Variants in CSNK1G3 observed in about 807,000 individuals in gnomAD.
CSNK1G3 encodes the protein casein kinase 1 gamma 3, also known as casein kinase I isoform gamma-3.
In CSNK1G3, 23 loss-of-function variants were observed where a neutral mutation model predicts 64.3. That is an observed-to-expected ratio of 0.36 (90% confidence interval 0.26 to 0.51). The LOEUF (loss-of-function observed/expected upper bound fraction) is 0.51. Among genes scored for constraint, CSNK1G3 ranks in the 20% least tolerant of loss-of-function variants. The pLI, the probability that CSNK1G3 is intolerant of heterozygous loss-of-function variation, is 0.96. For missense variants in CSNK1G3, 357 were observed against 510.5 expected, an observed-to-expected ratio of 0.70 and a Z score of 2.90; for synonymous variants, 158 against 162.2, an observed-to-expected ratio of 0.97 and a Z score of 0.20.
At chr5:123,535,206 C>T (rs948849316) in intron 1 of CSNK1G3, among the ~76,000 whole-genome samples, 1 of 152,112 alleles carries the variant, frequency 6.6e-6, no homozygotes, top group African/African-American at 2.4e-5. Context: ...TCTCTTGTAG[C>T]GCAAAAGCAT....
chr5:123,615,355 T>C (rs774235697), exon 13 of CSNK1G3: 1 of 152,486 alleles, frequency 6.6e-6, no homozygotes, highest in Non-Finnish European at 1.5e-5. Context: ...GCAGAAAACT[T>C]TGGATGTGCC....
chr5:123,541,815 GA>G (rs1186768761), intron 1 of CSNK1G3, among the ~76,000 whole-genome samples: 1 of 151,778 alleles, frequency 6.6e-6, no homozygotes, highest in Non-Finnish European at 1.5e-5. Flanking sequence ...CTTTTTGGGG[GA>G]AAATCTGGTC....
intron 4 of CSNK1G3, among the ~76,000 whole-genome samples, chr5:123,568,253 G>T (rs1283537696): frequency 6.6e-6 from 1 of 152,140 alleles, no homozygotes; most frequent in Admixed American, 6.5e-5. Flanking sequence ...GATTCAGAAA[G>T]CTGCAGTGGA....
Position 123,561,880 on chromosome 5 carries a change from G to A in CSNK1G3, c.289+4316G>A, listed in dbSNP as rs917442720. Among the ~76,000 whole-genome samples the A allele has an allele frequency of 5.3e-5, 8 of 151,980 alleles. No homozygotes were observed. In the East Asian group the frequency reaches 5.8e-4, roughly 11 times the overall value. On this transcript the variant is annotated intron_variant, in intron 4 of 12. Transcript: ENST00000345990. ...AATGTTAGCCTCCTCTGATTTTGGC[G>A]TATTGGTATAGTAAAAAAGTTCTGT...
chr5:123,531,769 C>G (rs895719678), intron 1 of CSNK1G3, among the ~76,000 whole-genome samples: 5 of 151,742 alleles, frequency 3.3e-5, no homozygotes, highest in Non-Finnish European at 7.4e-5. Context: ...AAATGTATAT[C>G]TGTTATTTTT....
chr5:123,593,195 GTA>G lies in CSNK1G3; in HGVS notation c.1086+1788_1086+1789del, dbSNP rs112619442. 5.8e-4 allele frequency among the ~76,000 whole-genome samples: 60 copies of G among 103,734 alleles called. 1 individual carries two copies. The South Asian group carries it at 7.3e-3, about 13-fold the overall frequency. The allele number at this position is 103,734 out of a possible 152,430, so 68.1% of individuals were successfully genotyped here. On this transcript the variant is annotated intron_variant, in intron 10 of 12. Coordinates refer to ENST00000345990, the Ensembl canonical transcript of CSNK1G3. Reference sequence around the variant, plus strand: ...CACTAAATGTAGGGTGGGTGTGTGTGTATATATACACACACACACACACACAC... The same window carrying G: ...CACTAAATGTAGGGTGGGTGTGTGTGTATATACACACACACACACACACAC...
exon 13 of CSNK1G3, chr5:123,615,217 G>A (rs1059259): frequency 0.75 from 114,794 of 152,572 alleles, 43,445 homozygotes; most frequent in East Asian, 0.94. Context: ...AAAAAGTGAT[G>A]TATGTTGGAG....
At chr5:123,524,708 A>T (rs1778727832) in intron 1 of CSNK1G3, among the ~76,000 whole-genome samples, 2 of 152,082 alleles carry the variant, frequency 1.3e-5, no homozygotes, top group South Asian at 4.2e-4. Flanking sequence ...TATCAGAAAA[A>T]TTTTCTGCCT....
At chr5:123,514,406 A>G (rs1044540807) in intron 1 of CSNK1G3, among the ~76,000 whole-genome samples, 3 of 152,262 alleles carry the variant, frequency 2.0e-5, no homozygotes, top group Admixed American at 6.5e-5. Context: ...TTGAAAATAA[A>G]GGACTGGAAT....
chr5:123,573,850 ATT>A (rs35902791), intron 5 of CSNK1G3, among the ~76,000 whole-genome samples: 16 of 140,236 alleles, frequency 1.1e-4, no homozygotes, highest in Non-Finnish European at 9.3e-5. Context: ...AGAAACATAG[ATT>A]TTTTTTTTTT....
chr5:123,614,636 G>C (rs3797534), exon 13 of CSNK1G3: 167,996 of 396,064 alleles, frequency 0.42, 38,220 homozygotes, highest in East Asian at 0.68. Flanking sequence ...TTGCCCATCA[G>C]TGAATGGAAT....
At chr5:123,550,444 C>G (rs1384160852) in intron 2 of CSNK1G3, among the ~76,000 whole-genome samples, 1 of 152,168 alleles carries the variant, frequency 6.6e-6, no homozygotes, top group Non-Finnish European at 1.5e-5. Flanking sequence ...CATGGCCACA[C>G]TAAGCTGAAA....
chr5:123,526,776 G>T (rs138038416), intron 1 of CSNK1G3, among the ~76,000 whole-genome samples: 4 of 151,722 alleles, frequency 2.6e-5, no homozygotes, highest in East Asian at 1.9e-4. Context: ...ATATTCCATT[G>T]TATGGATGTA....
exon 13 of CSNK1G3, chr5:123,615,582 T>G (rs1749316572): frequency 7.0e-6 from 1 of 142,462 alleles, no homozygotes; most frequent in Non-Finnish European, 1.6e-5. Context: ...TCTTTTGAAG[T>G]GCCTGCATAT....
chr5:123,573,845 CAT>C, intron 5 of CSNK1G3, among the ~76,000 whole-genome samples: 1 of 146,558 alleles, frequency 6.8e-6, no homozygotes, highest in African/African-American at 2.6e-5. Flanking sequence ...CCCTCAGAAA[CAT>C]AGATTTTTTT....
At chr5:123,594,902 C>T (rs1193490815) in intron 10 of CSNK1G3, 137 bp from the exon 11 acceptor site, 2 of 628,026 alleles carry the variant, frequency 3.2e-6, no homozygotes, top group African/African-American at 3.8e-5. Flanking sequence ...ACAAAGATAA[C>T]TGCACCATGA....
chr5:123,563,412 C>A (rs1432185898), intron 4 of CSNK1G3, among the ~76,000 whole-genome samples: 1 of 151,994 alleles, frequency 6.6e-6, no homozygotes, highest in East Asian at 1.9e-4. Context: ...CCCCCTCTTT[C>A]TTCTTTATGC....
intron 4 of CSNK1G3, among the ~76,000 whole-genome samples, chr5:123,558,295 C>G (rs1428069161): frequency 1.3e-5 from 2 of 152,140 alleles, no homozygotes; most frequent in Non-Finnish European, 2.9e-5. Context: ...TAGATAAACT[C>G]TAAATTCAAG....
At chr5:123,520,945 A>T (rs1484488067) in intron 1 of CSNK1G3, among the ~76,000 whole-genome samples, 1 of 152,098 alleles carries the variant, frequency 6.6e-6, no homozygotes, top group African/African-American at 2.4e-5. Flanking sequence ...TTTATATTCT[A>T]GCAATGAATA....
Sources: gnomAD v4.1 joint callset for allele counts (sites outside exome capture counted in the v4.1 genomes callset) on GRCh38, gnomAD v4.1.1 for gene constraint, MANE v1.5 for transcripts, NCBI Gene and HGNC (gene_info 2026-07-23, HGNC 2026-07-21) for gene names.